GABRG3: variants seen among roughly 807,000 people sequenced by gnomAD.
GABRG3 encodes gamma-aminobutyric acid type A receptor subunit gamma3, also known as gamma-aminobutyric acid receptor subunit gamma-3.
A neutral mutation model predicts 48.8 loss-of-function variants in GABRG3; 25 were observed. The ratio of observed to expected loss-of-function variants is 0.51; its 90% CI spans 0.37 to 0.72. The LOEUF (loss-of-function observed/expected upper bound fraction) is 0.72, where lower values mean the gene tolerates loss of function less well. GABRG3 is among the 30% of genes least tolerant of loss of function. The probability of loss-of-function intolerance (pLI) is 0.00; values close to 1 mark genes in which losing one functional copy is unlikely to be tolerated. For missense variants in GABRG3, 394 were observed against 577.9 expected, an observed-to-expected ratio of 0.68 and a Z score of 3.26; for synonymous variants, 227 against 217.6, an observed-to-expected ratio of 1.04 and a Z score of -0.38.
rs1889324518 is a variant in GABRG3 at position 27,457,677 on chromosome 15, T to A, written c.575-22973T>A. ...TGGAGTCTGCAGCCTCACATCAGCCTAGACGCCTGGTCCAGCCTTCCTTAC... is the reference window on the plus strand; with the variant it reads ...TGGAGTCTGCAGCCTCACATCAGCCAAGACGCCTGGTCCAGCCTTCCTTAC... On this transcript the variant is annotated intron_variant, in intron 5 of 9. Coordinates refer to ENST00000615808, the MANE Select transcript of GABRG3 (RefSeq NM_033223.5). The surrounding 1 kb of genome is among the most constrained non-coding windows in gnomAD (Gnocchi z 4.4). Among the ~76,000 whole-genome samples the A allele has an allele frequency of 6.6e-6, 1 of 152,188 alleles. No homozygotes were observed. Among genetic ancestry groups the A allele is most frequent in the Admixed American group, 6.5e-5 (1 of 15,278 alleles).
intron 5 of GABRG3, among the ~76,000 whole-genome samples, chr15:27,454,354 G>A (rs1174337176): frequency 1.3e-5 from 2 of 152,186 alleles, no homozygotes; most frequent in Non-Finnish European, 2.9e-5. Context: ...CCTTATCTAA[G>A]CATTTACAAG....
intron 5 of GABRG3, chr15:27,366,247 C>T (rs747657949): frequency 5.9e-5 from 9 of 152,194 alleles, no homozygotes; most frequent in African/African-American, 1.2e-4. Flanking sequence ...GCCCCAAGAT[C>T]ATGATGAGCC....
chr15:27,443,387 T>A lies in GABRG3; in HGVS notation c.575-37263T>A, dbSNP rs140839503. ...CTTCTTTAATTTTTCTAAACAGTGTTCAGTATACAGGTCTTGCACCACACA... is the reference window on the plus strand; with the variant it reads ...CTTCTTTAATTTTTCTAAACAGTGTACAGTATACAGGTCTTGCACCACACA... On this transcript the variant is annotated intron_variant, in intron 5 of 9. Coordinates refer to ENST00000615808, the MANE Select transcript of GABRG3 (RefSeq NM_033223.5). Among the ~76,000 whole-genome samples the A allele has an allele frequency of 3.5e-3, 528 of 152,336 alleles. 5 individuals carry two copies. Among genetic ancestry groups the A allele is most frequent in the Non-Finnish European group, 5.2e-3 (351 of 68,020 alleles).
chr15:27,053,847 G>A (rs1014114609), intron 3 of GABRG3, among the ~76,000 whole-genome samples: 3 of 152,200 alleles, frequency 2.0e-5, no homozygotes, highest in Non-Finnish European at 4.4e-5. Flanking sequence ...GGTGGAGGCC[G>A]TGATCCTAAG....
intron 2 of GABRG3, among the ~76,000 whole-genome samples, chr15:27,020,993 A>G (rs1340766205): frequency 6.6e-6 from 1 of 152,198 alleles, no homozygotes; most frequent in East Asian, 1.9e-4. Context: ...CGGTAAGGTG[A>G]CTGTTGTTTA....
intron 3 of GABRG3, among the ~76,000 whole-genome samples, chr15:27,162,541 C>A (rs898611430): frequency 2.0e-5 from 3 of 152,030 alleles, no homozygotes; most frequent in Non-Finnish European, 4.4e-5. Flanking sequence ...GGGGCCAGAT[C>A]GGGTGCAGTA....
chr15:27,294,373 C>T (rs11857381), intron 3 of GABRG3, among the ~76,000 whole-genome samples: 9,081 of 151,932 alleles, frequency 0.06, 880 homozygotes, highest in African/African-American at 0.2. Context: ...TGCACCACCA[C>T]GCCCAGCTAA....
intron 3 of GABRG3, among the ~76,000 whole-genome samples, chr15:27,249,432 A>T (rs1422405118): frequency 6.6e-6 from 1 of 152,170 alleles, no homozygotes; most frequent in African/African-American, 2.4e-5. Context: ...CTGAGTCCCA[A>T]ATGAGACCAT....
At chr15:27,064,393 G>A (rs1896702379) in intron 3 of GABRG3, among the ~76,000 whole-genome samples, 1 of 152,180 alleles carries the variant, frequency 6.6e-6, no homozygotes, top group African/African-American at 2.4e-5. Context: ...GGAGCTTGGT[G>A]CAGCGTTTCT....
At chr15:27,308,632 T>C (rs1450628751) in intron 3 of GABRG3, among the ~76,000 whole-genome samples, 1 of 142,782 alleles carries the variant, frequency 7.0e-6, no homozygotes, top group Non-Finnish European at 1.6e-5. Flanking sequence ...TATAAACATA[T>C]AATGTAAACA....
intron 5 of GABRG3, among the ~76,000 whole-genome samples, chr15:27,435,456 T>A (rs983289156): frequency 6.6e-6 from 1 of 152,096 alleles, no homozygotes; most frequent in African/African-American, 2.4e-5. Flanking sequence ...AAAAAATGAG[T>A]GGAGACCAGA....
At chr15:27,073,683 C>G (rs6606867) in intron 3 of GABRG3, among the ~76,000 whole-genome samples, 2,391 of 152,344 alleles carry the variant, frequency 0.016, 63 homozygotes, top group African/African-American at 0.056. Context: ...AATAATGTCT[C>G]CACAAGCTCA....
intron 2 of GABRG3, among the ~76,000 whole-genome samples, chr15:26,982,511 A>G (rs1427590393): frequency 6.6e-6 from 1 of 152,238 alleles, no homozygotes; most frequent in Non-Finnish European, 1.5e-5. Flanking sequence ...AGGCAAGCCT[A>G]TTCAAAAATA....
At chr15:27,031,804 C>T (rs1896091503) in intron 3 of GABRG3, among the ~76,000 whole-genome samples, 1 of 152,126 alleles carries the variant, frequency 6.6e-6, no homozygotes, top group Non-Finnish European at 1.5e-5. Context: ...GGAGGATGAT[C>T]TATTGCTTTG....
chr15:27,518,215 A>T (rs1316805464), intron 6 of GABRG3, among the ~76,000 whole-genome samples: 1 of 149,338 alleles, frequency 6.7e-6, no homozygotes, highest in Non-Finnish European at 1.5e-5. Flanking sequence ...AAAAAAAAAA[A>T]AGAATTAGCC....
At chr15:27,031,029 A>G (rs1896075728) in intron 3 of GABRG3, among the ~76,000 whole-genome samples, 1 of 150,892 alleles carries the variant, frequency 6.6e-6, no homozygotes, top group African/African-American at 2.4e-5. Context: ...CAGAAAGTAG[A>G]GTTCCCCTAT....
rs116621984 is a variant in GABRG3 at position 27,097,461 on chromosome 15, C to T, written c.270+70640C>T. On this transcript the variant is annotated intron_variant, in intron 3 of 9. Transcript: ENST00000615808. ...TTATTCAGTTATTTTTACCTTCTCTCCTTCCCTCCTTCCCTCCCTCCTTTA... is the reference window on the plus strand; with the variant it reads ...TTATTCAGTTATTTTTACCTTCTCTTCTTCCCTCCTTCCCTCCCTCCTTTA... 6.3e-3 allele frequency among the ~76,000 whole-genome samples: 961 copies of T among 151,968 alleles called. 12 individuals are homozygous for T. Among genetic ancestry groups the T allele is most frequent in the African/African-American group, 0.022 (900 of 41,480 alleles).
chr15:27,478,165 A>G (rs1890004816), intron 5 of GABRG3, among the ~76,000 whole-genome samples: 2 of 152,240 alleles, frequency 1.3e-5, no homozygotes, highest in Admixed American at 1.3e-4. Context: ...GATACACTTT[A>G]CATTATGTGT....
intron 3 of GABRG3, among the ~76,000 whole-genome samples, chr15:27,115,465 T>A (rs186130415): frequency 6.6e-6 from 1 of 152,248 alleles, no homozygotes; most frequent in Non-Finnish European, 1.5e-5. Context: ...CTGCCACACA[T>A]CCAACCCAAA....
Sources: gnomAD v4.1 joint callset for allele counts (sites outside exome capture counted in the v4.1 genomes callset) on GRCh38, gnomAD v4.1.1 for gene constraint, Gnocchi (gnomAD v3.1) non-coding constraint, MANE v1.5 for transcripts, NCBI Gene and HGNC (gene_info 2026-07-23, HGNC 2026-07-21) for gene names.